ZNF487: variants seen among roughly 807,000 people sequenced by gnomAD.
ZNF487 encodes the protein zinc finger protein 487.
Under a neutral mutation model 3.0 loss-of-function variants are expected in ZNF487, and 4 were observed. That is an observed-to-expected ratio of 1.35 (90% CI 0.66 to 3.08). The LOEUF is 3.08. Among genes scored for constraint, ZNF487 ranks in the 30% most tolerant of loss-of-function variants. The pLI is 0.01. For synonymous variants in ZNF487, 55 were observed against 34.6 expected, an observed-to-expected ratio of 1.59 and a Z score of -2.06; for missense variants, 146 against 98.7, an observed-to-expected ratio of 1.48 and a Z score of -2.03.
At chr10:43,498,604 C>T in the ZNF487 span, among the ~76,000 whole-genome samples, 4 of 150,218 alleles carry the variant, frequency 2.7e-5, no homozygotes, top group African/African-American at 7.3e-5. Context: ...ATTGAGTTGG[C>T]GAAAAATGGG....
intron 1 of ZNF487, among the ~76,000 whole-genome samples, chr10:43,451,442 A>C (rs1283442661): frequency 1.4e-5 from 2 of 138,562 alleles, no homozygotes; most frequent in Non-Finnish European, 3.1e-5. Flanking sequence ...ACGGGGTTTC[A>C]CCATGTTGGT....
At chr10:43,488,471 AAGC>A in the ZNF487 span, among the ~76,000 whole-genome samples, 1 of 152,324 alleles carries the variant, frequency 6.6e-6, no homozygotes, top group African/African-American at 2.4e-5. Context: ...GTAAAACTAA[AAGC>A]AGTTTGTTGC....
At chr10:43,471,482 G>A (rs1840907153) in intron 1 of ZNF487, among the ~76,000 whole-genome samples, 1 of 152,184 alleles carries the variant, frequency 6.6e-6, no homozygotes, top group South Asian at 2.1e-4. Context: ...GAGGACAAAG[G>A]GCCAGCGTGA....
chr10:43,478,254 T>C (rs1841175989), intron 3 of ZNF487, among the ~76,000 whole-genome samples: 1 of 151,770 alleles, frequency 6.6e-6, no homozygotes, highest in Non-Finnish European at 1.5e-5. Context: ...GACCCATCTG[T>C]ACAAAAAATA....
intron 1 of ZNF487, among the ~76,000 whole-genome samples, chr10:43,455,116 C>T (rs560263662): frequency 1.3e-5 from 2 of 150,976 alleles, no homozygotes; most frequent in African/African-American, 4.9e-5. Context: ...TCAAGGCCTT[C>T]TCCTGCCTCA....
rs535467958 is a variant in ZNF487, at chr10:43,476,389, A to G, written c.130+187A>G. On this transcript the variant is annotated intron_variant, in intron 3 of 3. Transcript: ENST00000437590. ...TATATGTTATTACACACTAGCAGAT[A>G]ACAGCTAAATGGTCTTTGTTTTTTT... Among the ~76,000 whole-genome samples the G allele has an allele frequency of 3.0e-4, 45 of 152,340 alleles. No individual in the cohort carries two copies. The South Asian group carries it at 9.1e-3, about 31-fold the overall frequency.
At chr10:43,499,230 G>T in the ZNF487 span, among the ~76,000 whole-genome samples, 4,246 of 152,030 alleles carry the variant, frequency 0.028, 95 homozygotes, top group South Asian at 0.041. Flanking sequence ...AATTGAATCA[G>T]ACCCAAAAAG....
chr10:43,518,797 A>G, the ZNF487 span, among the ~76,000 whole-genome samples: 1 of 151,638 alleles, frequency 6.6e-6, no homozygotes, highest in South Asian at 2.1e-4. Context: ...ATTATTCACA[A>G]CTCTCTTATA....
intron 1 of ZNF487, among the ~76,000 whole-genome samples, chr10:43,462,043 C>G (rs1232430225): frequency 1.3e-5 from 2 of 152,218 alleles, no homozygotes; most frequent in African/African-American, 4.8e-5. Context: ...AGCCTTAATT[C>G]TATCCCAGTC....
the ZNF487 span, among the ~76,000 whole-genome samples, chr10:43,520,259 C>G: frequency 6.6e-6 from 1 of 152,074 alleles, no homozygotes; most frequent in Non-Finnish European, 1.5e-5. Flanking sequence ...CCTTCCTTTA[C>G]TAGGTAAGAT....
chr10:43,462,333 C>T (rs908392487), intron 1 of ZNF487, among the ~76,000 whole-genome samples: 1 of 151,952 alleles, frequency 6.6e-6, no homozygotes, highest in Admixed American at 6.6e-5. Context: ...AGGCACACCT[C>T]GTTTTATTGT....
At chr10:43,512,415 A>G in the ZNF487 span, among the ~76,000 whole-genome samples, 1 of 152,198 alleles carries the variant, frequency 6.6e-6, no homozygotes, top group Non-Finnish European at 1.5e-5. Flanking sequence ...CTTTATGGCT[A>G]TATGAGTCAG....
chr10:43,501,332 A>G, the ZNF487 span, among the ~76,000 whole-genome samples: 1 of 152,194 alleles, frequency 6.6e-6, no homozygotes, highest in Admixed American at 6.5e-5. Context: ...GTTATTGTAC[A>G]CTACTGTAGG....
chr10:43,481,576 T>C lies in ZNF487; in HGVS notation c.278T>C (p.Ile93Thr). The change falls in exon 4 of 4, where the codon ATT becomes ACT. Residue 93 changes from isoleucine (I) to threonine (T), a missense_variant. Transcript: ENST00000437590. ...GKTFSLDTNP[I>T]LSRKIRGNCD... ...ACATTTTCTCTTGACACAAACCCCATTCTATCAAGAAAAATACGTGGCAAC... is the reference window on the plus strand; with the variant it reads ...ACATTTTCTCTTGACACAAACCCCACTCTATCAAGAAAAATACGTGGCAAC... 1 of 701,646 alleles carries C rather than the reference T, an allele frequency of 1.4e-6. No individual in the cohort carries two copies. The highest frequency in any genetic ancestry group is 1.6e-5 in the South Asian group (1 of 63,850). 43.5% of individuals were successfully genotyped at this position (701,646 alleles called of 1,614,324 possible).
the ZNF487 span, among the ~76,000 whole-genome samples, chr10:43,507,111 G>T: frequency 6.6e-6 from 1 of 152,162 alleles, no homozygotes; most frequent in Admixed American, 6.5e-5. Flanking sequence ...CTTGGGTTTG[G>T]TGTGTTTATA....
At chr10:43,510,006 C>T in the ZNF487 span, among the ~76,000 whole-genome samples, 27 of 152,050 alleles carry the variant, frequency 1.8e-4, no homozygotes, top group Non-Finnish European at 3.4e-4. Context: ...CAATGGGAAA[C>T]GTACCAATTC....
chr10:43,454,257 GC>G (rs1254186421), intron 1 of ZNF487: 1 of 152,172 alleles, frequency 6.6e-6, no homozygotes, highest in Non-Finnish European at 1.5e-5. Context: ...TCACCATGTT[GC>G]CCAGGCTGGT....
At chr10:43,521,251 G>T in the ZNF487 span, among the ~76,000 whole-genome samples, 1 of 152,006 alleles carries the variant, frequency 6.6e-6, no homozygotes, top group African/African-American at 2.4e-5. Context: ...TTTAATATGG[G>T]TTTATTTTTA....
downstream of ZNF487, among the ~76,000 whole-genome samples, chr10:43,487,692 T>TC (rs1391280481): frequency 6.6e-6 from 1 of 151,266 alleles, no homozygotes; most frequent in Non-Finnish European, 1.5e-5. Context: ...CTTCAGGTGA[T>TC]CCCCCAGCCT....
Sources: gnomAD v4.1 joint callset for allele counts (sites outside exome capture counted in the v4.1 genomes callset) on GRCh38, gnomAD v4.1.1 for gene constraint, MANE v1.5 for transcripts, NCBI Gene and HGNC (gene_info 2026-07-23, HGNC 2026-07-21) for gene names.